PCDH9: variants seen among roughly 807,000 people sequenced by gnomAD.
The protein encoded by PCDH9 is protocadherin 9.
Under a neutral mutation model 70.6 loss-of-function variants are expected in PCDH9, and 24 were observed. The observed-to-expected ratio is 0.34, with a 90% CI of 0.25 to 0.48. The LOEUF (loss-of-function observed/expected upper bound fraction) is 0.48, where lower values mean the gene tolerates loss of function less well. Among genes scored for constraint, PCDH9 ranks in the 20% least tolerant of loss-of-function variants. The pLI is 0.99. For missense variants in PCDH9, 1,281 were observed against 1,503.6 expected (o/e 0.85, Z 2.45); for synonymous variants, 562 against 558.5 (o/e 1.01, Z -0.09).
intron 4 of PCDH9, among the ~76,000 whole-genome samples, chr13:66,457,196 T>C (rs1012108215): frequency 2.2e-4 from 34 of 152,204 alleles, no homozygotes; most frequent in Admixed American, 1.5e-3. Flanking sequence ...TTAAACTTTA[T>C]ATGGATTATG....
chr13:66,325,030 C>T (rs868185089), intron 4 of PCDH9, among the ~76,000 whole-genome samples: 1 of 151,556 alleles, frequency 6.6e-6, no homozygotes, highest in Non-Finnish European at 1.5e-5. Flanking sequence ...AAGTTATAAA[C>T]ATTGTACCCA....
At chr13:66,544,386 CA>C (rs777092220) in intron 4 of PCDH9, among the ~76,000 whole-genome samples, 3 of 152,166 alleles carry the variant, frequency 2.0e-5, no homozygotes, top group Non-Finnish European at 2.9e-5. Context: ...TGGTTTCACA[CA>C]AACACACACA....
intron 4 of PCDH9, among the ~76,000 whole-genome samples, chr13:66,505,597 G>T (rs1338425756): frequency 6.6e-6 from 1 of 152,076 alleles, no homozygotes; most frequent in Non-Finnish European, 1.5e-5. Context: ...GGTGGAAGGT[G>T]AAAGAGAAGC....
chr13:66,441,285 G>A (rs1018225734), intron 4 of PCDH9, among the ~76,000 whole-genome samples: 2 of 152,098 alleles, frequency 1.3e-5, no homozygotes, highest in South Asian at 2.1e-4. Context: ...AATATCACCA[G>A]TGTTTCCAAA....
intron 4 of PCDH9, among the ~76,000 whole-genome samples, chr13:66,545,175 TAA>T (rs1272338370): frequency 6.6e-6 from 1 of 152,188 alleles, no homozygotes; most frequent in African/African-American, 2.4e-5. Flanking sequence ...TAATTCTCAT[TAA>T]GTTTGTTTTA....
At chr13:66,784,931 T>A (rs538395025) in intron 3 of PCDH9, among the ~76,000 whole-genome samples, 8 of 151,938 alleles carry the variant, frequency 5.3e-5, no homozygotes, top group African/African-American at 1.4e-4. Context: ...CTCTGTCTTA[T>A]TTTTTTTAAC....
chr13:67,136,082 G>A (rs9571715), intron 2 of PCDH9, among the ~76,000 whole-genome samples: 1 of 152,104 alleles, frequency 6.6e-6, no homozygotes, highest in Non-Finnish European at 1.5e-5. Context: ...GACAGTGGTT[G>A]CTATCTGACA....
chr13:66,974,493 G>A (rs2083580688), intron 2 of PCDH9, among the ~76,000 whole-genome samples: 1 of 151,960 alleles, frequency 6.6e-6, no homozygotes, highest in African/African-American at 2.4e-5. Flanking sequence ...AAAGAAGTAG[G>A]GAAGTGGGTA....
At chr13:66,743,791 G>C (rs916224667) in intron 3 of PCDH9, among the ~76,000 whole-genome samples, 3 of 151,832 alleles carry the variant, frequency 2.0e-5, no homozygotes, top group Non-Finnish European at 4.4e-5. Context: ...AAACAACTAA[G>C]TTAAAAAATT....
At chr13:67,082,327 A>G (rs1372214368) in intron 2 of PCDH9, among the ~76,000 whole-genome samples, 2 of 152,162 alleles carry the variant, frequency 1.3e-5, no homozygotes, top group Admixed American at 1.3e-4. Flanking sequence ...CCACATATGA[A>G]TGAAAGCAAG....
chr13:66,702,062 T>G (rs2078654771), intron 3 of PCDH9, among the ~76,000 whole-genome samples: 1 of 152,190 alleles, frequency 6.6e-6, no homozygotes, highest in Non-Finnish European at 1.5e-5. Context: ...TACACTCCCT[T>G]TAATATTTAT....
At position 66,805,905 on chromosome 13, in the gene PCDH9, C is replaced by T. The variant is rs567977030; in HGVS notation, c.3138+97599G>A. ...ATTTTCTGTTTTATGACTTTTTTTC[C>T]CCAAAACCCTCTGTGCTTTTACTCA... On this transcript the variant is annotated intron_variant, in intron 3 of 4. Coordinates refer to ENST00000377865, the MANE Select transcript of PCDH9 (RefSeq NM_203487.3). Among the ~76,000 whole-genome samples the T allele has an allele frequency of 2.1e-4, 32 of 151,972 alleles. No homozygotes were observed. In the South Asian group the frequency reaches 6.7e-3, roughly 32 times the overall value.
chr13:66,723,308 G>A (rs762903316), intron 3 of PCDH9, among the ~76,000 whole-genome samples: 1 of 152,032 alleles, frequency 6.6e-6, no homozygotes, highest in Non-Finnish European at 1.5e-5. Context: ...TGAAAGAAGA[G>A]GTTTCCATAT....
intron 3 of PCDH9, among the ~76,000 whole-genome samples, chr13:66,700,293 G>A (rs1333259001): frequency 1.3e-5 from 2 of 152,122 alleles, no homozygotes; most frequent in Admixed American, 1.3e-4. Context: ...TCGGCAGATT[G>A]TTAACATAAT....
intron 2 of PCDH9, among the ~76,000 whole-genome samples, chr13:67,156,821 G>A (rs2087825739): frequency 6.6e-6 from 1 of 152,144 alleles, no homozygotes; most frequent in South Asian, 2.1e-4. Flanking sequence ...AGACACTGTT[G>A]TAGGGTGGGA....
At chr13:66,847,264 TTA>T (rs1566237276) in intron 3 of PCDH9, among the ~76,000 whole-genome samples, 1 of 152,218 alleles carries the variant, frequency 6.6e-6, no homozygotes, top group Non-Finnish European at 1.5e-5. Flanking sequence ...TTTACTGTGA[TTA>T]TAAGCCATTT....
chr13:66,915,706 C>A (rs541202332), intron 2 of PCDH9, among the ~76,000 whole-genome samples: 1 of 151,776 alleles, frequency 6.6e-6, no homozygotes, highest in South Asian at 2.1e-4. Flanking sequence ...TAGAAGAAAG[C>A]AGCAGCATAA....
chr13:67,114,195 T>G (rs1477366990), intron 2 of PCDH9, among the ~76,000 whole-genome samples: 3 of 152,206 alleles, frequency 2.0e-5, no homozygotes, highest in African/African-American at 7.2e-5. Flanking sequence ...TTTTAAAATT[T>G]CTCTCCTAAG....
intron 3 of PCDH9, among the ~76,000 whole-genome samples, chr13:66,878,509 G>T (rs943342889): frequency 2.6e-5 from 4 of 152,160 alleles, no homozygotes; most frequent in Non-Finnish European, 4.4e-5. Flanking sequence ...TTACAGGCGT[G>T]AGGCATAGCG....
Sources: gnomAD v4.1 joint callset for allele counts (sites outside exome capture counted in the v4.1 genomes callset) on GRCh38, gnomAD v4.1.1 for gene constraint, MANE v1.5 for transcripts, NCBI Gene and HGNC (gene_info 2026-07-23, HGNC 2026-07-21) for gene names.